The following CDCA8 variants were observed in gnomAD, a reference collection of about 807,000 sequenced individuals.
CDCA8 encodes the protein cell division cycle associated 8.
In CDCA8, 25 loss-of-function variants were observed where a neutral mutation model predicts 40.0. The ratio of observed to expected loss-of-function variants is 0.63; its 90% CI spans 0.46 to 0.87. The LOEUF (loss-of-function observed/expected upper bound fraction) is 0.87. CDCA8 is among the 40% of genes least tolerant of loss of function. The pLI is 0.00. For synonymous variants in CDCA8, 111 were observed against 126.5 expected (o/e 0.88, Z 0.82); for missense variants, 280 against 348.4 (o/e 0.80, Z 1.56).
At chr1:37,701,865 C>A in intron 6 of CDCA8, 47 bp downstream of exon 6, 1 of 1,399,904 alleles carries the variant, frequency 7.1e-7, no homozygotes, top group Non-Finnish European at 1.0e-6. Flanking sequence ...TATTGGAGAG[C>A]CATATATATC....
Position 37,705,816 on chromosome 1 carries a change from T to G in CDCA8, c.711+249T>G, listed in dbSNP as rs890074140. Among the ~76,000 whole-genome samples, 138 of 149,042 alleles carry G rather than the reference T, an allele frequency of 9.3e-4. 1 individual carries two copies. The highest frequency in any genetic ancestry group is 1.6e-3 in the Non-Finnish European group (107 of 67,144). ...TTGTTTTTGTTTTTTGTGGGTTTTT[T>G]TTTTTTTTTTTTGAGATGGAGTCTT... On this transcript the variant is annotated intron_variant, in intron 8 of 9. Transcript: ENST00000373055.
chr1:37,695,601 T>C (rs767765998), intron 2 of CDCA8, among the ~76,000 whole-genome samples: 75 of 152,102 alleles, frequency 4.9e-4, no homozygotes, highest in Non-Finnish European at 9.3e-4. Context: ...AAATTTAAAA[T>C]ATATTTTTTA....
At chr1:37,705,688 A>T in intron 8 of CDCA8, 121 bp downstream of exon 8, 1 of 1,151,634 alleles carries the variant, frequency 8.7e-7, no homozygotes, top group Non-Finnish European at 1.2e-6. Flanking sequence ...CCTGATCTCC[A>T]CACTTCTGCG....
At chr1:37,703,402 C>T (rs1645578438) in intron 7 of CDCA8, 55 bp downstream of exon 7, 1 of 1,268,016 alleles carries the variant, frequency 7.9e-7, no homozygotes, top group Non-Finnish European at 1.2e-6. Context: ...TGAGCACTAC[C>T]CAGAGAAGGA....
Position 37,703,431 on chromosome 1 carries a change from C to T in CDCA8, c.584+84C>T, listed in dbSNP as rs28422089. The stretch of plus-strand genomic sequence containing the variant: ...AGAAGGAGTGTCTAAGAAAATACTC[C>T]TAGGCCAGGCACGGTAGCTCACGCC... On this transcript the variant is annotated intron_variant, in intron 7 of 9. Coordinates refer to ENST00000373055, the MANE Select transcript of CDCA8 (RefSeq NM_001256875.2). The T allele has an allele frequency of 1.9e-5, 19 of 1,023,168 alleles. No individual in the cohort carries two copies. In the South Asian group the frequency reaches 2.3e-4, roughly 12 times the overall value. 63.4% of individuals were successfully genotyped at this position (1,023,168 alleles called of 1,614,324 possible).
intron 8 of CDCA8, among the ~76,000 whole-genome samples, chr1:37,706,262 C>G (rs544572513): frequency 5.9e-5 from 9 of 152,160 alleles, no homozygotes; most frequent in Non-Finnish European, 1.3e-4. Flanking sequence ...CACATGCCAC[C>G]ACACCCGGCT....
At chr1:37,695,006 G>A (rs1484779922) in intron 2 of CDCA8, among the ~76,000 whole-genome samples, 1 of 152,094 alleles carries the variant, frequency 6.6e-6, no homozygotes, top group East Asian at 1.9e-4. Context: ...TAGTTATTGG[G>A]TATAATGAGG....
Position 37,701,824 on chromosome 1 carries a change from G to A in CDCA8, c.488+6G>A, listed in dbSNP as rs757532305. 8.1e-6 allele frequency: 13 copies of A among 1,609,562 alleles called. No individual in the cohort carries two copies. Among genetic ancestry groups the A allele is most frequent in the East Asian group, 2.2e-5 (1 of 44,838 alleles). On this transcript the variant is annotated splice_donor_region_variant and intron_variant, in intron 6 of 9. Coordinates refer to ENST00000373055, the MANE Select transcript of CDCA8 (RefSeq NM_001256875.2). The stretch of plus-strand genomic sequence containing the variant: ...GGAAAAGGAAAAGGGAAAAGGTAGT[G>A]GATTTTCTAAAGTTGTGGTGTTTTG...
rs950249948 is a variant in CDCA8 at position 37,700,376 on chromosome 1, T to C, written c.338-60T>C. The stretch of plus-strand genomic sequence containing the variant: ...GTACATTTTATTCCTATAAGAAATG[T>C]GAATGCACAAAACTTTATTTTCATC... On this transcript the variant is annotated intron_variant, in intron 4 of 9. Coordinates refer to ENST00000373055, the MANE Select transcript of CDCA8 (RefSeq NM_001256875.2). 34 of 950,006 alleles carry C rather than the reference T, an allele frequency of 3.6e-5. No homozygotes were observed. In the Admixed American group the frequency reaches 6.1e-4, roughly 17 times the overall value. 58.8% of individuals were successfully genotyped at this position (950,006 alleles called of 1,614,324 possible). A position where few individuals can be genotyped will look rare whatever the true frequency, so the allele number is the denominator to read the frequency against.
intron 3 of CDCA8, among the ~76,000 whole-genome samples, chr1:37,697,245 C>T (rs573849216): frequency 5.9e-5 from 9 of 152,258 alleles, no homozygotes; most frequent in African/African-American, 2.2e-4. Flanking sequence ...TCATGGGGCT[C>T]AGCATACAGT....
At position 37,700,510 on chromosome 1, in the gene CDCA8, C is replaced by A; in HGVS notation, c.412C>A (p.Gln138Lys). The A allele has an allele frequency of 6.2e-7, 1 of 1,604,020 alleles. No homozygotes were observed. Among genetic ancestry groups the A allele is most frequent in the Non-Finnish European group, 8.5e-7 (1 of 1,170,970 alleles). Residue 138 changes from glutamine to lysine, a missense_variant, in exon 5 of 10, where the codon CAA becomes AAA. Coordinates refer to ENST00000373055, the MANE Select transcript of CDCA8 (RefSeq NM_001256875.2). ...AGAAGAAAATGAACGTAAGAATCTT[C>A]AAACTGCAAGAGTAAGTGGACACTG... is the stretch of plus-strand genomic sequence containing the variant. ...EEEENERKNL[Q>K]TARVKRCPPS... is the part of the protein sequence containing the mutation.
chr1:37,700,439 G>T lies in CDCA8; in HGVS notation c.341G>T (p.Arg114Leu). The change falls in exon 5 of 10, where the codon CGA becomes CTA. Residue 114 changes from arginine to leucine, a missense_variant. Coordinates refer to ENST00000373055, the MANE Select transcript of CDCA8 (RefSeq NM_001256875.2). ...CTGTTGAAACTGTTTCTTACAGCAC[G>T]AAAGGTAATACAGGTAGATGAAATG... ...IQTPLKSAKTRKVIQVDEMIV... is the reference protein window; with the variant it reads ...IQTPLKSAKTLKVIQVDEMIV... 1 of 1,598,300 alleles carries T rather than the reference G, an allele frequency of 6.3e-7. No individual in the cohort carries two copies. The highest frequency in any genetic ancestry group is 2.2e-5 in the East Asian group (1 of 44,772).
chr1:37,708,421 G>T lies in CDCA8; in HGVS notation c.*55G>T. ...ATGGGCACTTCTGGGACCCTGAAGA[G>T]ACTTCTTCCCTTCAGGCTTATTGTT... On this transcript the variant is annotated 3_prime_UTR_variant, in exon 10 of 10. Transcript: ENST00000373055. 1 of 1,499,710 alleles carries T rather than the reference G, an allele frequency of 6.7e-7. No individual in the cohort carries two copies. Among genetic ancestry groups the T allele is most frequent in the Non-Finnish European group, 9.3e-7 (1 of 1,076,318 alleles). 92.9% of individuals were successfully genotyped at this position (1,499,710 alleles called of 1,614,324 possible).
chr1:37,705,317 G>C, intron 7 of CDCA8, 124 bp from the exon 8 acceptor site: 1 of 756,626 alleles, frequency 1.3e-6, no homozygotes, highest in Non-Finnish European at 2.2e-6. Context: ...AATTTAGAAC[G>C]TGCTTTCTTA....
In CDCA8 at chr1:37,708,548, C is replaced by A. The variant is rs900597296; in HGVS notation, c.*182C>A. The A allele has an allele frequency of 4.8e-6, 3 of 620,848 alleles. No individual in the cohort carries two copies. The highest frequency in any genetic ancestry group is 2.9e-6 in the Non-Finnish European group (1 of 345,752). 38.5% of individuals were successfully genotyped at this position (620,848 alleles called of 1,614,324 possible). On this transcript the variant is annotated 3_prime_UTR_variant, in exon 10 of 10. Coordinates refer to ENST00000373055, the MANE Select transcript of CDCA8 (RefSeq NM_001256875.2). ...AGTTAGGTAGAGCTGTCTGTTCACCCTCCCATCCCAGCTGATCCCAGTCAC... is the reference window on the plus strand; with the variant it reads ...AGTTAGGTAGAGCTGTCTGTTCACCATCCCATCCCAGCTGATCCCAGTCAC...
chr1:37,697,371 G>C (rs943824679), intron 3 of CDCA8, among the ~76,000 whole-genome samples: 5 of 152,226 alleles, frequency 3.3e-5, no homozygotes, highest in Non-Finnish European at 5.9e-5. Flanking sequence ...TCCACTCCCT[G>C]TAGAGTCAAA....
chr1:37,692,697 C>G lies in CDCA8; in HGVS notation c.7C>G (p.Pro3Ala), dbSNP rs923961297. 3 of 1,612,840 alleles carry G rather than the reference C, an allele frequency of 1.9e-6. No homozygotes were observed. In the Admixed American group the frequency reaches 5.0e-5, roughly 27 times the overall value. The change falls in exon 1 of 10, where the codon CCT becomes GCT. Residue 3 changes from proline to alanine, a missense_variant. Pro to Ala is a conservative substitution (Grantham distance 27, BLOSUM62 -1). Coordinates refer to ENST00000373055, the MANE Select transcript of CDCA8 (RefSeq NM_001256875.2). The stretch of plus-strand genomic sequence containing the variant: ...GCAGCCTCCGCCGAGCGCCATGGCT[C>G]CTAGGAAGGGCAGTAGTCGGGTGGC... MA[P>A]RKGSSRVAKT...
intron 2 of CDCA8, among the ~76,000 whole-genome samples, chr1:37,693,658 C>G (rs983957128): frequency 6.6e-6 from 1 of 152,100 alleles, no homozygotes; most frequent in Non-Finnish European, 1.5e-5. Flanking sequence ...ATAGGCCTCC[C>G]AAAGTGCTGG....
chr1:37,699,942 A>G (rs1411373530), intron 4 of CDCA8, among the ~76,000 whole-genome samples: 1 of 151,968 alleles, frequency 6.6e-6, no homozygotes, highest in African/African-American at 2.4e-5. Context: ...AAGTTACTCA[A>G]TTCCATGATC....
Sources: gnomAD v4.1 joint callset for allele counts (sites outside exome capture counted in the v4.1 genomes callset) on GRCh38, gnomAD v4.1.1 for gene constraint, MANE v1.5 for transcripts, NCBI Gene and HGNC (gene_info 2026-07-23, HGNC 2026-07-21) for gene names.